POLDIP3: variants seen among roughly 807,000 people sequenced by gnomAD.
POLDIP3 encodes the protein polymerase delta-interacting protein 3.
POLDIP3 carries 14 observed loss-of-function variants against 45.1 expected under a neutral mutation model. The ratio of observed to expected loss-of-function variants is 0.31; its 90% CI spans 0.20 to 0.49. The LOEUF (loss-of-function observed/expected upper bound fraction) is 0.49, where lower values mean the gene tolerates loss of function less well. Ranked by LOEUF, POLDIP3 falls within the 20% of genes least tolerant of loss-of-function variation. The probability of loss-of-function intolerance (pLI) is 0.99; values close to 1 mark genes in which losing one functional copy is unlikely to be tolerated. For synonymous variants in POLDIP3, 223 were observed against 205.2 expected, an observed-to-expected ratio of 1.09 and a Z score of -0.74; for missense variants, 511 against 538.8, an observed-to-expected ratio of 0.95 and a Z score of 0.51.
intron 3 of POLDIP3, among the ~76,000 whole-genome samples, chr22:42,600,695 C>G (rs1329453822): frequency 2.0e-5 from 3 of 151,764 alleles, no homozygotes; most frequent in African/African-American, 7.3e-5. Context: ...TGGGGCTGGG[C>G]ACAGTGGCTC....
chr22:42,588,650 T>A (rs1334349530), intron 7 of POLDIP3, among the ~76,000 whole-genome samples: 3 of 149,098 alleles, frequency 2.0e-5, no homozygotes, highest in African/African-American at 7.4e-5. Context: ...TTTTTTGAGA[T>A]GGAGTTTCGC....
chr22:42,608,135 A>G (rs1926882598), intron 1 of POLDIP3, among the ~76,000 whole-genome samples: 1 of 152,228 alleles, frequency 6.6e-6, no homozygotes, highest in South Asian at 2.1e-4. Flanking sequence ...AAATGTGGGG[A>G]AAAGAGAGAT....
chr22:42,593,863 G>T (rs1925820918), intron 6 of POLDIP3, among the ~76,000 whole-genome samples: 1 of 152,144 alleles, frequency 6.6e-6, no homozygotes, highest in African/African-American at 2.4e-5. Context: ...ACACAAAATA[G>T]GCTACAATTT....
chr22:42,586,703 T>C (rs774750861), intron 8 of POLDIP3, among the ~76,000 whole-genome samples: 7 of 152,214 alleles, frequency 4.6e-5, no homozygotes, highest in Non-Finnish European at 7.3e-5. Context: ...CATAATTCAT[T>C]ACCCAGGGTT....
At chr22:42,598,191 TC>T (rs1926116499) in intron 4 of POLDIP3, among the ~76,000 whole-genome samples, 1 of 147,764 alleles carries the variant, frequency 6.8e-6, no homozygotes, top group African/African-American at 2.5e-5. Flanking sequence ...CACACCATTC[TC>T]CTGCCTCAGC....
At position 42,585,057 on chromosome 22, in the gene POLDIP3, A is replaced by G. The variant is rs1039643915; in HGVS notation, c.*734T>C. On this transcript the variant is annotated 3_prime_UTR_variant, in exon 9 of 9. Transcript: ENST00000252115. ...CTCCCAGCAAAGACACCCAGAAGGG[A>G]AAGAGAGCTGGGGTGGGGCATTCAG... The G allele has an allele frequency of 1.8e-5, 8 of 454,092 alleles. No homozygotes were observed. Among genetic ancestry groups the G allele is most frequent in the African/African-American group, 1.0e-4 (5 of 49,924 alleles). The allele number at this position is 454,092 out of a possible 1,614,324, so 28.1% of individuals were successfully genotyped here.
At chr22:42,611,131 G>A (rs1169024861) in intron 1 of POLDIP3, among the ~76,000 whole-genome samples, 2 of 152,056 alleles carry the variant, frequency 1.3e-5, no homozygotes, top group East Asian at 1.9e-4. Flanking sequence ...ATAATTAATT[G>A]GAGGCCTAGG....
chr22:42,593,446 G>T (rs1023756166), intron 6 of POLDIP3, among the ~76,000 whole-genome samples: 1 of 152,212 alleles, frequency 6.6e-6, no homozygotes, highest in African/African-American at 2.4e-5. Flanking sequence ...TATCTTCCAA[G>T]AGTCTGCCTA....
chr22:42,586,975 G>C (rs572417563), intron 8 of POLDIP3, among the ~76,000 whole-genome samples: 1 of 152,326 alleles, frequency 6.6e-6, no homozygotes, highest in East Asian at 1.9e-4. Context: ...GGGCGTGATG[G>C]TGTGCGCCTA....
intron 2 of POLDIP3, 109 bp downstream of exon 2, chr22:42,602,661 C>T (rs1926469088): frequency 7.8e-7 from 1 of 1,289,976 alleles, no homozygotes. Context: ...CTGTATTATG[C>T]CAACACTTGA....
intron 1 of POLDIP3, among the ~76,000 whole-genome samples, chr22:42,613,028 C>T (rs1927221333): frequency 6.6e-6 from 1 of 152,146 alleles, no homozygotes; most frequent in Non-Finnish European, 1.5e-5. Context: ...TGCAGCCCCA[C>T]CTACTGCCCA....
intron 6 of POLDIP3, among the ~76,000 whole-genome samples, chr22:42,594,866 A>C (rs1342173448): frequency 6.6e-6 from 1 of 152,208 alleles, no homozygotes; most frequent in African/African-American, 2.4e-5. Flanking sequence ...GACACAGGAA[A>C]ACACAACTAT....
rs1925931223 is a variant in POLDIP3 at position 42,595,522 on chromosome 22, G to C, written c.891+15C>G. On this transcript the variant is annotated intron_variant, in intron 6 of 8. Coordinates refer to ENST00000252115, the MANE Select transcript of POLDIP3 (RefSeq NM_032311.5). ...CAGTTTGAGATTTAAATGTTTGGTA[G>C]GTCACAGTACTTACAACAATGTCCT... The C allele has an allele frequency of 1.2e-6, 2 of 1,610,312 alleles. No individual in the cohort carries two copies. The highest frequency in any genetic ancestry group is 2.2e-5 in the South Asian group (2 of 90,998).
At position 42,585,331 on chromosome 22, in the gene POLDIP3, G is replaced by T. The variant is rs1330443891; in HGVS notation, c.*460C>A. On this transcript the variant is annotated 3_prime_UTR_variant, in exon 9 of 9. Transcript: ENST00000252115. ...CTCAGGCCGACCTGGCTCCCGTCAG[G>T]ACACCAGGGCTCTCCATCCCCTCCA... 3 of 486,344 alleles carry T rather than the reference G, an allele frequency of 6.2e-6. No individual in the cohort carries two copies. Among genetic ancestry groups the T allele is most frequent in the Admixed American group, 2.1e-5 (1 of 46,564 alleles). 30.1% of individuals were successfully genotyped at this position (486,344 alleles called of 1,614,324 possible).
intron 6 of POLDIP3, 146 bp from the exon 7 acceptor site, chr22:42,592,230 G>A: frequency 1.7e-6 from 2 of 1,191,162 alleles, no homozygotes; most frequent in South Asian, 1.4e-5. Context: ...ACGCGAGGTG[G>A]TGCTCTGGAG....
At chr22:42,614,331 A>T (rs1400428773) in intron 1 of POLDIP3, among the ~76,000 whole-genome samples, 1 of 152,248 alleles carries the variant, frequency 6.6e-6, no homozygotes, top group Non-Finnish European at 1.5e-5. Flanking sequence ...GGCCGCGTGC[A>T]GGGGGATTTG....
intron 1 of POLDIP3, among the ~76,000 whole-genome samples, chr22:42,607,226 C>G (rs1926790010): frequency 6.6e-6 from 1 of 152,258 alleles, no homozygotes; most frequent in South Asian, 2.1e-4. Context: ...ATTCTCCTGC[C>G]TCAGCCTGCC....
chr22:42,586,212 T>C (rs1925301938), intron 8 of POLDIP3, among the ~76,000 whole-genome samples: 1 of 152,042 alleles, frequency 6.6e-6, no homozygotes, highest in South Asian at 2.1e-4. Context: ...TGTACCACCA[T>C]GCCTGGCTCA....
chr22:42,594,665 T>C (rs568700004), intron 6 of POLDIP3, among the ~76,000 whole-genome samples: 1 of 152,348 alleles, frequency 6.6e-6, no homozygotes, highest in South Asian at 2.1e-4. Context: ...TCTAAACTAA[T>C]GGCTCTTTTG....
Sources: gnomAD v4.1 joint callset for allele counts (sites outside exome capture counted in the v4.1 genomes callset) on GRCh38, gnomAD v4.1.1 for gene constraint, MANE v1.5 for transcripts, NCBI Gene and HGNC (gene_info 2026-07-23, HGNC 2026-07-21) for gene names.